SMURF2: variants seen among roughly 807,000 people sequenced by gnomAD.
SMURF2 encodes the protein SMAD specific E3 ubiquitin protein ligase 2.
SMURF2 carries 48 observed loss-of-function variants against 109.6 expected under a neutral mutation model. The observed-to-expected ratio is 0.44, with a 90% CI of 0.35 to 0.56. SMURF2 has a LOEUF of 0.56. Ranked by LOEUF, SMURF2 falls within the 20% of genes least tolerant of loss-of-function variation. The probability of loss-of-function intolerance (pLI) is 0.01; values close to 1 mark genes in which losing one functional copy is unlikely to be tolerated. For missense variants in SMURF2, 575 were observed against 909.0 expected, an observed-to-expected ratio of 0.63 and a Z score of 4.72; for synonymous variants, 288 against 317.1, an observed-to-expected ratio of 0.91 and a Z score of 0.97.
At chr17:64,647,275 GA>G (rs374786158) in intron 1 of SMURF2, among the ~76,000 whole-genome samples, 5 of 144,906 alleles carry the variant, frequency 3.5e-5, no homozygotes, top group East Asian at 2.0e-4. Flanking sequence ...AGAAGAAACT[GA>G]AAAAAAAAGA....
At chr17:64,584,750 A>C (rs1250849228) in intron 6 of SMURF2, among the ~76,000 whole-genome samples, 24 of 152,294 alleles carry the variant, frequency 1.6e-4, no homozygotes, top group Non-Finnish European at 2.2e-4. Context: ...ATATTTCTAC[A>C]AAGATACTGG....
intron 1 of SMURF2, among the ~76,000 whole-genome samples, chr17:64,648,757 C>T (rs1304823494): frequency 2.6e-5 from 4 of 151,906 alleles, no homozygotes; most frequent in Non-Finnish European, 5.9e-5. Context: ...CTGTTTCAAA[C>T]AAAAACAAAA....
chr17:64,580,089 A>G (rs1173825302), intron 8 of SMURF2, among the ~76,000 whole-genome samples: 1 of 152,230 alleles, frequency 6.6e-6, no homozygotes, highest in Non-Finnish European at 1.5e-5. Flanking sequence ...TGGTTTATCT[A>G]TAGTCTGTTA....
intron 9 of SMURF2, among the ~76,000 whole-genome samples, chr17:64,576,772 A>AT (rs1419124384): frequency 6.9e-4 from 103 of 149,914 alleles, no homozygotes; most frequent in African/African-American, 1.5e-3. Flanking sequence ...TTTTTCAAAG[A>AT]TTTTTTTTTA....
At chr17:64,652,418 A>T (rs1219273850) in intron 1 of SMURF2, among the ~76,000 whole-genome samples, 1 of 152,264 alleles carries the variant, frequency 6.6e-6, no homozygotes, top group Non-Finnish European at 1.5e-5. Context: ...AAATAAACTT[A>T]AAGGGTAGAA....
chr17:64,559,389 A>T (rs1034146044), intron 12 of SMURF2, among the ~76,000 whole-genome samples: 1 of 152,030 alleles, frequency 6.6e-6, no homozygotes, highest in Non-Finnish European at 1.5e-5. Context: ...AGGTCAGGAG[A>T]TTGAGACCAG....
At chr17:64,599,078 C>T (rs1256344318) in intron 2 of SMURF2, among the ~76,000 whole-genome samples, 10 of 152,192 alleles carry the variant, frequency 6.6e-5, no homozygotes, top group African/African-American at 2.4e-4. Flanking sequence ...TGAGAATAAA[C>T]AAGTGCTTAG....
intron 1 of SMURF2, among the ~76,000 whole-genome samples, chr17:64,627,561 A>G (rs781844625): frequency 1.2e-4 from 19 of 152,202 alleles, no homozygotes; most frequent in Non-Finnish European, 2.2e-4. Flanking sequence ...CTACTGAACT[A>G]CACGCAGACC....
intron 1 of SMURF2, among the ~76,000 whole-genome samples, chr17:64,629,206 A>C (rs1019638170): frequency 6.6e-6 from 1 of 152,216 alleles, no homozygotes; most frequent in Non-Finnish European, 1.5e-5. Flanking sequence ...AGGTATCACT[A>C]ATCAGAAGAA....
At chr17:64,648,085 A>AAAAAAAAAAC in intron 1 of SMURF2, among the ~76,000 whole-genome samples, 1 of 138,968 alleles carries the variant, frequency 7.2e-6, no homozygotes, top group Admixed American at 8.4e-5. Context: ...AAAAAAAAAA[A>AAAAAAAAAAC]AAAAAAACAG....
chr17:64,573,958 C>G (rs1969452832), intron 9 of SMURF2, among the ~76,000 whole-genome samples: 1 of 152,090 alleles, frequency 6.6e-6, no homozygotes. Flanking sequence ...AGAGGAACAA[C>G]AGGTACTATG....
intron 1 of SMURF2, among the ~76,000 whole-genome samples, chr17:64,650,554 G>A (rs1267635636): frequency 6.6e-6 from 1 of 152,094 alleles, no homozygotes; most frequent in South Asian, 2.1e-4. Flanking sequence ...AAAATGACCA[G>A]GCACAGTGGC....
chr17:64,571,972 TA>T lies in SMURF2; in HGVS notation c.858-17del. 1 of 1,595,514 alleles carries T rather than the reference TA, an allele frequency of 6.3e-7. No homozygotes were observed. Among genetic ancestry groups the T allele is most frequent in the East Asian group, 2.2e-5 (1 of 44,524 alleles). ...GCTAAGATCCCTGCAAAAACAAATA[TA>T]AAATAAAAAATACCTCATTGCTCGC... On this transcript the variant is annotated splice_polypyrimidine_tract_variant and intron_variant, in intron 9 of 18. Coordinates refer to ENST00000262435, the MANE Select transcript of SMURF2 (RefSeq NM_022739.4).
At chr17:64,615,884 C>T (rs1194006142) in intron 1 of SMURF2, among the ~76,000 whole-genome samples, 2 of 152,028 alleles carry the variant, frequency 1.3e-5, no homozygotes, top group Non-Finnish European at 2.9e-5. Context: ...GGCTGGAGTG[C>T]AATGGCGCGA....
At chr17:64,610,003 A>G (rs1166476000) in intron 1 of SMURF2, among the ~76,000 whole-genome samples, 1 of 152,214 alleles carries the variant, frequency 6.6e-6, no homozygotes, top group Non-Finnish European at 1.5e-5. Context: ...AACATATGAA[A>G]AAAAGCTCAT....
intron 1 of SMURF2, among the ~76,000 whole-genome samples, chr17:64,617,429 CAGT>C (rs1970141624): frequency 6.6e-6 from 1 of 152,058 alleles, no homozygotes; most frequent in Admixed American, 6.6e-5. Flanking sequence ...ATCCTAAGAA[CAGT>C]ATCAGCATTT....
At chr17:64,643,823 GTTTT>G (rs1243188394) in intron 1 of SMURF2, among the ~76,000 whole-genome samples, 1 of 152,018 alleles carries the variant, frequency 6.6e-6, no homozygotes, top group Admixed American at 6.6e-5. Flanking sequence ...CTTCAGCTAC[GTTTT>G]TTGTTTGTTT....
At chr17:64,601,272 A>G (rs1969892146) in intron 2 of SMURF2, among the ~76,000 whole-genome samples, 1 of 152,148 alleles carries the variant, frequency 6.6e-6, no homozygotes, top group South Asian at 2.1e-4. Context: ...AAAAAAGATT[A>G]AGGATTAAGA....
intron 1 of SMURF2, among the ~76,000 whole-genome samples, chr17:64,652,238 C>T (rs1370067992): frequency 1.4e-4 from 21 of 152,060 alleles, no homozygotes; most frequent in Admixed American, 1.4e-3. Flanking sequence ...TTTATGGCAC[C>T]ACGTAATAAA....
Sources: allele counts gnomAD v4.1 joint callset (sites outside exome capture counted in the v4.1 genomes callset), GRCh38; gene constraint gnomAD v4.1.1; transcripts MANE v1.5; gene names NCBI Gene and HGNC (gene_info 2026-07-23, HGNC 2026-07-21).